ZFYVE28: variants seen among roughly 807,000 people sequenced by gnomAD.
The protein encoded by ZFYVE28 is lateral signaling target protein 2 homolog.
Under a neutral mutation model 82.1 loss-of-function variants are expected in ZFYVE28, and 40 were observed. The ratio of observed to expected loss-of-function variants is 0.49; its 90% CI spans 0.38 to 0.63. ZFYVE28 has a LOEUF of 0.63. Among genes scored for constraint, ZFYVE28 ranks in the 30% least tolerant of loss-of-function variants. The pLI, the probability that ZFYVE28 is intolerant of heterozygous loss-of-function variation, is 0.00. For synonymous variants in ZFYVE28, 612 were observed against 546.1 expected (o/e 1.12, Z -1.68); for missense variants, 1,321 against 1,242.1 (o/e 1.06, Z -0.96).
chr4:2,417,305 C>A lies in ZFYVE28; in HGVS notation c.39+980G>T, dbSNP rs556309211. Among the ~76,000 whole-genome samples the A allele has an allele frequency of 1.3e-5, 2 of 152,066 alleles. No homozygotes were observed. Among genetic ancestry groups the A allele is most frequent in the South Asian group, 2.1e-4 (1 of 4,832 alleles). On this transcript the variant is annotated intron_variant, in intron 1 of 12. Transcript: ENST00000290974. This position sits in a 1 kb window ranked among gnomAD's most constrained non-coding sequence, Gnocchi z 4.8. Reference sequence around the variant, plus strand: ...ACGCCCAGATGCGCCCTGGACCCTGCGCCGGGATCCTGAACACCGCCGCGC... The same window carrying A: ...ACGCCCAGATGCGCCCTGGACCCTGAGCCGGGATCCTGAACACCGCCGCGC...
intron 1 of ZFYVE28, among the ~76,000 whole-genome samples, chr4:2,397,429 G>T (rs1730593210): frequency 6.9e-6 from 1 of 145,638 alleles, no homozygotes; most frequent in Non-Finnish European, 1.5e-5. Context: ...AGTGAGCTGA[G>T]AGTGCACCAC....
At chr4:2,375,067 TTC>T (rs1386936428) in intron 1 of ZFYVE28, among the ~76,000 whole-genome samples, 121 of 152,314 alleles carry the variant, frequency 7.9e-4, no homozygotes, top group Non-Finnish European at 1.9e-4. Context: ...TGAACAGCAG[TTC>T]AGACCTCCAG....
chr4:2,350,034 G>GACACACACACACACACACACAGACACAC (rs1724134916), intron 2 of ZFYVE28, among the ~76,000 whole-genome samples: 6 of 148,730 alleles, frequency 4.0e-5, no homozygotes, highest in Non-Finnish European at 1.5e-5. Flanking sequence ...GTGACACACA[G>GACACACACACACACACACACAGACACAC]ACACACACAC....
intron 1 of ZFYVE28, among the ~76,000 whole-genome samples, chr4:2,401,450 G>T (rs1233835199): frequency 2.6e-5 from 4 of 152,104 alleles, no homozygotes; most frequent in Non-Finnish European, 4.4e-5. Context: ...CGGGTCGCAG[G>T]GACACACCCT....
intron 1 of ZFYVE28, among the ~76,000 whole-genome samples, chr4:2,411,622 C>T (rs1243401932): frequency 1.3e-5 from 2 of 152,198 alleles, no homozygotes; most frequent in African/African-American, 2.4e-5. Context: ...TGGGGTCCCG[C>T]GGACAGGAGT....
intron 1 of ZFYVE28, among the ~76,000 whole-genome samples, chr4:2,396,892 T>TG (rs1371333520): frequency 2.6e-5 from 4 of 152,096 alleles, no homozygotes; most frequent in African/African-American, 9.7e-5. Flanking sequence ...ACGGAGTCAC[T>TG]GGGGGGTCCT....
chr4:2,336,394 A>G (rs1280270912), intron 5 of ZFYVE28, among the ~76,000 whole-genome samples: 1 of 152,234 alleles, frequency 6.6e-6, no homozygotes, highest in Non-Finnish European at 1.5e-5. Context: ...CTTTTTAAAA[A>G]TAACAAACAT....
chr4:2,307,824 C>T (rs1345778877), intron 7 of ZFYVE28, among the ~76,000 whole-genome samples: 1 of 152,148 alleles, frequency 6.6e-6, no homozygotes, highest in Non-Finnish European at 1.5e-5. Context: ...TTTATATCTA[C>T]ACTCTGTCTG....
At chr4:2,275,783 C>T (rs1334058623) in intron 8 of ZFYVE28, among the ~76,000 whole-genome samples, 2 of 152,248 alleles carry the variant, frequency 1.3e-5, no homozygotes, top group Non-Finnish European at 2.9e-5. Flanking sequence ...AGCCCGGTGG[C>T]CTCTGTTGCC....
intron 6 of ZFYVE28, chr4:2,324,642 G>C (rs533817523): frequency 2.3e-4 from 41 of 179,736 alleles, no homozygotes; most frequent in African/African-American, 9.7e-4. Flanking sequence ...GTTGCCCACA[G>C]AGGAACCTGT....
chr4:2,277,794 G>T (rs1453512121), intron 8 of ZFYVE28, among the ~76,000 whole-genome samples: 1 of 152,150 alleles, frequency 6.6e-6, no homozygotes, highest in Non-Finnish European at 1.5e-5. Context: ...CAATCCATAC[G>T]AAAGTGCCAA....
intron 1 of ZFYVE28, among the ~76,000 whole-genome samples, chr4:2,388,173 C>T (rs745723604): frequency 6.6e-6 from 1 of 152,214 alleles, no homozygotes; most frequent in African/African-American, 2.4e-5. Context: ...CGGGGCTGCT[C>T]TCCTAAATTG....
intron 7 of ZFYVE28, among the ~76,000 whole-genome samples, chr4:2,306,070 A>C (rs530520571): frequency 2.6e-5 from 4 of 152,264 alleles, no homozygotes; most frequent in Non-Finnish European, 5.9e-5. Context: ...AACTACAATA[A>C]TGACAGCTGC....
chr4:2,285,397 C>A (rs1223654847), intron 8 of ZFYVE28: 3 of 152,288 alleles, frequency 2.0e-5, no homozygotes, highest in Non-Finnish European at 4.4e-5. Flanking sequence ...GGCGCTGACC[C>A]CGCCATGGCG....
rs1722472811 is a variant in ZFYVE28 at position 2,339,765 on chromosome 4, C to T, written c.319-110G>A. 4 of 901,514 alleles carry T rather than the reference C, an allele frequency of 4.4e-6. No individual in the cohort carries two copies. The highest frequency in any genetic ancestry group is 5.5e-5 in the Admixed American group (2 of 36,170). The allele number at this position is 901,514 out of a possible 1,614,324, so 55.8% of individuals were successfully genotyped here. A position where few individuals can be genotyped will look rare whatever the true frequency, so the allele number is the denominator to read the frequency against. ...CCTCGGGGCCCCTCTTCTCACCCCA[C>T]AGCACAGGCCAGCTCGTGTTCCCGG... On this transcript the variant is annotated intron_variant, in intron 3 of 12. Transcript: ENST00000290974. This position sits in a 1 kb window ranked among gnomAD's most constrained non-coding sequence, Gnocchi z 5.0.
chr4:2,356,599 T>C (rs1393417995), intron 1 of ZFYVE28, among the ~76,000 whole-genome samples: 1 of 152,180 alleles, frequency 6.6e-6, no homozygotes, highest in Admixed American at 6.5e-5. Flanking sequence ...ATTCCCTCCA[T>C]GGGCCCAGGC....
At chr4:2,331,797 G>A (rs1164143315) in intron 6 of ZFYVE28, among the ~76,000 whole-genome samples, 1 of 152,210 alleles carries the variant, frequency 6.6e-6, no homozygotes, top group African/African-American at 2.4e-5. Flanking sequence ...CCTAAACAGG[G>A]GGAAGGGTGC....
At position 2,305,231 on chromosome 4, in the gene ZFYVE28, G is replaced by A. The variant is rs573489493; in HGVS notation, c.1109C>T (p.Ala370Val). Reference protein sequence around the residue: ...LSPPIACQSPAHRPGAEGSPG... With the variant: ...LSPPIACQSPVHRPGAEGSPG... ...GCTGCCCTCCGCTCCTGGCCTGTGA[G>A]CTGGGGACTGGCAGGCAATGGGCGG... The change falls in exon 8 of 13, where the codon GCT (alanine) becomes GTT (valine). Residue 370 changes from alanine to valine, a missense_variant. By Grantham distance (64) the Ala-to-Val change is moderately conservative (BLOSUM62 0). Around this residue, in one of 2 missense-constraint regions of ZFYVE28, gnomAD observed 978 missense variants for 833.7 expected, o/e 1.17. Transcript: ENST00000290974. 3.9e-4 allele frequency: 635 copies of A among 1,610,914 alleles called. 5 individuals are homozygous for A. In the South Asian group the frequency reaches 5.8e-3, roughly 15 times the overall value.
Position 2,330,536 on chromosome 4 carries a change from G to T in ZFYVE28, c.701+5169C>A, listed in dbSNP as rs996119393. 117 of 1,163,848 alleles carry T rather than the reference G, an allele frequency of 1.0e-4. 1 individual carries two copies. The highest frequency in any genetic ancestry group is 3.8e-4 in the Middle Eastern group (1 of 2,662). 72.1% of individuals were successfully genotyped at this position (1,163,848 alleles called of 1,614,324 possible). A position where few individuals can be genotyped will look rare whatever the true frequency, so the allele number is the denominator to read the frequency against. On this transcript the variant is annotated intron_variant, in intron 6 of 12. Transcript: ENST00000290974. ...GGGGAGAGGACATTGCAGAGGAAGG[G>T]ACAGCATGGAGGAGGGGACAGCATG...
Sources: gnomAD v4.1 joint callset for allele counts (sites outside exome capture counted in the v4.1 genomes callset) on GRCh38, gnomAD v4.1.1 for gene constraint, gnomAD v4.1.1 regional missense constraint, Gnocchi (gnomAD v3.1) non-coding constraint, MANE v1.5 for transcripts, NCBI Gene and HGNC (gene_info 2026-07-23, HGNC 2026-07-21) for gene names.